Variants in ASAP1 observed in about 807,000 individuals in gnomAD.
The protein encoded by ASAP1 is ArfGAP with SH3 domain, ankyrin repeat and PH domain 1, also known as arf-GAP with SH3 domain, ANK repeat and PH domain-containing protein 1.
A neutral mutation model predicts 145.2 loss-of-function variants in ASAP1; 43 were observed. The ratio of observed to expected loss-of-function variants is 0.30; its 90% CI spans 0.23 to 0.38. The LOEUF is 0.38. Among genes scored for constraint, ASAP1 ranks in the 10% least tolerant of loss-of-function variants. The pLI, the probability that ASAP1 is intolerant of heterozygous loss-of-function variation, is 1.00. For synonymous variants in ASAP1, 546 were observed against 515.5 expected (o/e 1.06, Z -0.80); for missense variants, 1,018 against 1,355.3 (o/e 0.75, Z 3.91).
intron 3 of ASAP1, among the ~76,000 whole-genome samples, chr8:130,276,704 ACACACACACACACACACACACACACT>A (rs1420215124): frequency 1.6e-5 from 2 of 123,332 alleles, no homozygotes; most frequent in South Asian, 3.3e-4. Flanking sequence ...ACACACACAC[ACACACACACACACACACACACACACT>A]CTCTCTCTCT....
intron 5 of ASAP1, among the ~76,000 whole-genome samples, chr8:130,210,066 T>G (rs912155852): frequency 7.2e-5 from 11 of 152,196 alleles, no homozygotes; most frequent in Admixed American, 1.3e-4. Context: ...ACTTATGAAG[T>G]TTTTATGTAG....
chr8:130,167,726 T>G, intron 10 of ASAP1, 104 bp from the exon 11 acceptor site: 1 of 823,658 alleles, frequency 1.2e-6, no homozygotes, highest in South Asian at 1.6e-5. Context: ...ATATATTTGG[T>G]TTTCTTACTA....
intron 3 of ASAP1, among the ~76,000 whole-genome samples, chr8:130,277,951 G>A (rs1351119112): frequency 6.6e-6 from 1 of 152,060 alleles, no homozygotes; most frequent in East Asian, 1.9e-4. Flanking sequence ...TAGAGCTCAA[G>A]GGAGCAAATA....
In ASAP1 at chr8:130,234,828, C is replaced by T. The variant is rs1485018317; in HGVS notation, c.259+2094G>A. Among the ~76,000 whole-genome samples, 4 of 152,266 alleles carry T rather than the reference C, an allele frequency of 2.6e-5. No individual in the cohort carries two copies. In the East Asian group the frequency reaches 7.7e-4, roughly 29 times the overall value. The stretch of plus-strand genomic sequence containing the variant: ...CATTACAGAGAACTGACCATTCTTC[C>T]TGAGACAAACAATGGTTCTCATTAA... On this transcript the variant is annotated intron_variant, in intron 4 of 29. Transcript: ENST00000518721.
chr8:130,150,724 A>G (rs890302022), intron 13 of ASAP1, among the ~76,000 whole-genome samples: 25 of 152,080 alleles, frequency 1.6e-4, no homozygotes, highest in Non-Finnish European at 2.2e-4. Context: ...ACAAAAAAAT[A>G]CCAAAATTAG....
chr8:130,262,638 C>T (rs936599783), intron 3 of ASAP1, among the ~76,000 whole-genome samples: 24 of 152,052 alleles, frequency 1.6e-4, no homozygotes, highest in African/African-American at 5.6e-4. Flanking sequence ...CCTTACTTTC[C>T]ATGATCCATG....
intron 25 of ASAP1, among the ~76,000 whole-genome samples, chr8:130,085,296 T>G (rs1247039836): frequency 6.6e-6 from 1 of 152,222 alleles, no homozygotes; most frequent in African/African-American, 2.4e-5. Flanking sequence ...AGACACTGTA[T>G]GTGACTTTTT....
chr8:130,138,877 T>C (rs2097602247), intron 13 of ASAP1, among the ~76,000 whole-genome samples: 1 of 150,014 alleles, frequency 6.7e-6, no homozygotes, highest in African/African-American at 2.4e-5. Flanking sequence ...AGTGTTTGGG[T>C]TGCTAAAGGC....
In ASAP1 at chr8:130,333,113, G is replaced by A. The variant is rs538854690; in HGVS notation, c.186+24904C>T. Reference sequence around the variant, plus strand: ...GGTAAGTAGCTCTCAAAACTCAAGGGGGAATTACAATTATATATCTACTCC... The same window carrying A: ...GGTAAGTAGCTCTCAAAACTCAAGGAGGAATTACAATTATATATCTACTCC... On this transcript the variant is annotated intron_variant, in intron 3 of 29. Transcript: ENST00000518721. Among the ~76,000 whole-genome samples, 22 of 151,936 alleles carry A rather than the reference G, an allele frequency of 1.4e-4. No homozygotes were observed. The South Asian group carries it at 4.6e-3, about 32-fold the overall frequency.
chr8:130,404,704 C>G (rs901953040), intron 1 of ASAP1, among the ~76,000 whole-genome samples: 8 of 152,120 alleles, frequency 5.3e-5, no homozygotes, highest in African/African-American at 1.9e-4. Flanking sequence ...CATTTCTGCC[C>G]TTTGTCATGG....
intron 27 of ASAP1, among the ~76,000 whole-genome samples, chr8:130,062,819 T>A (rs952571493): frequency 6.6e-6 from 1 of 152,022 alleles, no homozygotes; most frequent in African/African-American, 2.4e-5. Flanking sequence ...GGACAATAAA[T>A]AAAAATTAGC....
intron 2 of ASAP1, among the ~76,000 whole-genome samples, chr8:130,379,036 G>A (rs949107200): frequency 3.3e-5 from 5 of 152,064 alleles, no homozygotes; most frequent in Admixed American, 6.5e-5. Context: ...CTAATGAGAC[G>A]GCCAAAAAGA....
At chr8:130,317,207 T>C (rs916182546) in intron 3 of ASAP1, among the ~76,000 whole-genome samples, 8 of 152,198 alleles carry the variant, frequency 5.3e-5, no homozygotes, top group African/African-American at 1.4e-4. Flanking sequence ...GAGTTTCTTC[T>C]TACATAAAAC....
At chr8:130,345,586 A>G (rs7822125) in intron 3 of ASAP1, among the ~76,000 whole-genome samples, 144 of 152,282 alleles carry the variant, frequency 9.5e-4, no homozygotes, top group African/African-American at 3.0e-3. Flanking sequence ...GGGGCTATGG[A>G]GCCAGGCAAA....
At chr8:130,328,747 C>A (rs367656661) in intron 3 of ASAP1, among the ~76,000 whole-genome samples, 1 of 151,944 alleles carries the variant, frequency 6.6e-6, no homozygotes, top group African/African-American at 2.4e-5. Flanking sequence ...CACAGCCTCC[C>A]GAGTAGCTAG....
At position 130,107,515 on chromosome 8, in the gene ASAP1, AATGTATGTATGTATGT is replaced by A. The variant is rs71302393; in HGVS notation, c.2401+4563_2401+4578del. ...TCTCTCTTTTTTTTTTTTTTTAAAA[AATGTATGTATGTATGT>A]ATGTATGTATGTATGTATGTATGTA... On this transcript the variant is annotated intron_variant, in intron 24 of 29. Transcript: ENST00000518721. Among the ~76,000 whole-genome samples, 257 of 101,776 alleles carry A rather than the reference AATGTATGTATGTATGT, an allele frequency of 2.5e-3. 3 individuals are homozygous for A. The highest frequency in any genetic ancestry group is 7.5e-3 in the African/African-American group (225 of 29,862). 66.8% of individuals were successfully genotyped at this position (101,776 alleles called of 152,430 possible).
intron 8 of ASAP1, among the ~76,000 whole-genome samples, chr8:130,180,367 CTTCAT>C (rs1194458630): frequency 6.6e-6 from 1 of 152,128 alleles, no homozygotes; most frequent in Non-Finnish European, 1.5e-5. Flanking sequence ...TTAATGACAA[CTTCAT>C]TTGAGTTTTC....
intron 1 of ASAP1, among the ~76,000 whole-genome samples, chr8:130,440,585 G>C (rs763150180): frequency 6.6e-6 from 1 of 151,912 alleles, no homozygotes; most frequent in African/African-American, 2.4e-5. Context: ...TGGGTGGAGG[G>C]ACTCTCCCCA....
chr8:130,228,284 A>G (rs148278942), intron 4 of ASAP1, among the ~76,000 whole-genome samples: 1 of 152,240 alleles, frequency 6.6e-6, no homozygotes, highest in African/African-American at 2.4e-5. Context: ...CATGACCTCA[A>G]CTAGGCTTCT....
Sources: allele counts gnomAD v4.1 joint callset (sites outside exome capture counted in the v4.1 genomes callset), GRCh38; gene constraint gnomAD v4.1.1; transcripts MANE v1.5; gene names NCBI Gene and HGNC (gene_info 2026-07-23, HGNC 2026-07-21).